The following CACNA1B variants were observed in gnomAD, a reference collection of about 807,000 sequenced individuals.
CACNA1B encodes voltage-dependent N-type calcium channel subunit alpha-1B.
In CACNA1B, 70 loss-of-function variants were observed where a neutral mutation model predicts 247.2. That is an observed-to-expected ratio of 0.28 (90% CI 0.23 to 0.35). The LOEUF (loss-of-function observed/expected upper bound fraction) is 0.35. CACNA1B is among the 10% of genes least tolerant of loss of function. The probability of loss-of-function intolerance (pLI) is 1.00; values close to 1 mark genes in which losing one functional copy is unlikely to be tolerated. For synonymous variants in CACNA1B, 1,231 were observed against 1,294.4 expected, an observed-to-expected ratio of 0.95 and a Z score of 1.05; for missense variants, 2,367 against 3,197.4, an observed-to-expected ratio of 0.74 and a Z score of 6.26.
Position 138,046,754 on chromosome 9 carries a change from A to G in CACNA1B, c.3414-150A>G, listed in dbSNP as rs560688769. The G allele has an allele frequency of 4.3e-6, 3 of 702,664 alleles. 1 individual carries two copies. The South Asian group carries it at 5.8e-5, about 14-fold the overall frequency. The allele number at this position is 702,664 out of a possible 1,614,324, so 43.5% of individuals were successfully genotyped here. The stretch of plus-strand genomic sequence containing the variant: ...CGTCACCTGGCTGCCACCACCAACC[A>G]CAGGGACCATTAGCAAAGCGAAGCT... On this transcript the variant is annotated intron_variant, in intron 21 of 46. Coordinates refer to ENST00000371372, the MANE Select transcript of CACNA1B (RefSeq NM_000718.4).
chr9:138,069,762 CGGTT>C lies in CACNA1B; in HGVS notation c.4674+4_4674+7del. The C allele has an allele frequency of 6.2e-7, 1 of 1,609,374 alleles. No individual in the cohort carries two copies. Among genetic ancestry groups the C allele is most frequent in the Non-Finnish European group, 8.5e-7 (1 of 1,175,814 alleles). On this transcript the variant is annotated splice_donor_variant and splice_donor_region_variant and coding_sequence_variant and intron_variant, in exon 32 of 47. Coordinates refer to ENST00000371372, the MANE Select transcript of CACNA1B (RefSeq NM_000718.4). LOFTEE classifies it high-confidence loss of function. ...CCATGAAAACATCACATGTAGGAAA[CGGTT>C]GGTTTCACGACTCTGAACGGTTCTT...
At chr9:138,105,598 G>T (rs2131353646) in intron 38 of CACNA1B, 101 bp from the exon 39 acceptor site, 1 of 689,956 alleles carries the variant, frequency 1.4e-6, no homozygotes. Flanking sequence ...CACCACCACT[G>T]GGATGCCCAG....
intron 40 of CACNA1B, 102 bp from the exon 41 acceptor site, chr9:138,114,276 G>A (rs1961776408): frequency 3.0e-6 from 2 of 656,782 alleles, no homozygotes; most frequent in Admixed American, 2.3e-5. Flanking sequence ...TCTTTGTGGG[G>A]GGCGAGGGAG....
At chr9:138,027,836 C>T (rs1958939769) in intron 20 of CACNA1B, among the ~76,000 whole-genome samples, 2 of 152,074 alleles carry the variant, frequency 1.3e-5, no homozygotes, top group South Asian at 2.1e-4. Flanking sequence ...TTCTCTTTAA[C>T]ATTTTTTGTA....
chr9:137,964,446 CCAG>C (rs1186887460), intron 10 of CACNA1B, among the ~76,000 whole-genome samples: 1 of 152,140 alleles, frequency 6.6e-6, no homozygotes, highest in Admixed American at 6.5e-5. Context: ...AAATTGTCTT[CCAG>C]CTCTGAGATT....
At chr9:138,044,001 T>G in intron 21 of CACNA1B, 101 bp downstream of exon 21, 4 of 1,444,342 alleles carry the variant, frequency 2.8e-6, no homozygotes, top group East Asian at 4.6e-5. Flanking sequence ...TGCGCACTTA[T>G]GTAGAGAAAC....
intron 10 of CACNA1B, among the ~76,000 whole-genome samples, chr9:137,970,782 G>T (rs1206180822): frequency 2.0e-5 from 3 of 152,214 alleles, no homozygotes; most frequent in African/African-American, 7.2e-5. Context: ...TGGGTTGGGT[G>T]GTGAGCAGGG....
chr9:137,895,282 C>T (rs897251782), intron 3 of CACNA1B, among the ~76,000 whole-genome samples: 6 of 152,280 alleles, frequency 3.9e-5, no homozygotes, highest in African/African-American at 1.4e-4. Context: ...ACTTACTCCT[C>T]CCAATTTATT....
chr9:137,896,492 T>C (rs563004486), intron 3 of CACNA1B, among the ~76,000 whole-genome samples: 1 of 152,330 alleles, frequency 6.6e-6, no homozygotes, highest in South Asian at 2.1e-4. Flanking sequence ...ATGGTTGTGG[T>C]ATATAATTCT....
intron 5 of CACNA1B, among the ~76,000 whole-genome samples, chr9:137,916,771 A>T (rs576741432): frequency 6.7e-6 from 1 of 148,586 alleles, no homozygotes; most frequent in African/African-American, 2.5e-5. Flanking sequence ...GAGGGAGAGG[A>T]ACGGTCCTCG....
chr9:137,921,525 A>C (rs2133289613), intron 6 of CACNA1B, among the ~76,000 whole-genome samples: 1 of 149,456 alleles, frequency 6.7e-6, no homozygotes, highest in Non-Finnish European at 1.5e-5. Context: ...TTCGGAGAAC[A>C]CCATCAGCAC....
chr9:137,939,732 G>T (rs1445731388), intron 6 of CACNA1B, among the ~76,000 whole-genome samples: 1 of 151,894 alleles, frequency 6.6e-6, no homozygotes, highest in Admixed American at 6.6e-5. Context: ...GAACCCGGGA[G>T]GCGGAGCTTG....
intron 40 of CACNA1B, among the ~76,000 whole-genome samples, chr9:138,113,265 C>T (rs1475511384): frequency 6.8e-6 from 1 of 147,412 alleles, no homozygotes; most frequent in Non-Finnish European, 1.5e-5. Flanking sequence ...TGCCCAACTC[C>T]ATCTTATGGG....
chr9:137,983,903 G>T (rs1958322712), intron 12 of CACNA1B, among the ~76,000 whole-genome samples: 1 of 117,220 alleles, frequency 8.5e-6, no homozygotes, highest in African/African-American at 3.2e-5. Flanking sequence ...CTGGGGTGGG[G>T]GGTGGGAGGG....
chr9:138,059,708 AT>A lies in CACNA1B; in HGVS notation c.4641del (p.Thr1548LeufsTer4). On this transcript the variant is annotated frameshift_variant, in exon 31 of 47. Coordinates refer to ENST00000371372, the MANE Select transcript of CACNA1B (RefSeq NM_000718.4). LOFTEE classifies it high-confidence loss of function. The surrounding 1 kb of genome is among the most constrained non-coding windows in gnomAD (Gnocchi z 4.2). Reference sequence around the variant, plus strand: ...TGACTTTGTCACTGTGTTGGGAAGTATTACTGATATTTTAGTAACAGAGATT... The same window carrying A: ...TGACTTTGTCACTGTGTTGGGAAGTATACTGATATTTTAGTAACAGAGATT... ...VFDFVTVLGS[I>X]TDILVTEIAE... 1 of 1,604,944 alleles carries A rather than the reference AT, an allele frequency of 6.2e-7. No individual in the cohort carries two copies. The highest frequency in any genetic ancestry group is 8.5e-7 in the Non-Finnish European group (1 of 1,171,638).
chr9:138,071,084 C>T (rs560187172), intron 32 of CACNA1B, among the ~76,000 whole-genome samples: 25 of 152,380 alleles, frequency 1.6e-4, no homozygotes, highest in Non-Finnish European at 2.9e-4. Context: ...TGTCATGGCA[C>T]GGTGTCCTGC....
chr9:137,917,232 T>G lies in CACNA1B; in HGVS notation c.776-9T>G. 6.2e-7 allele frequency: 1 copy of G among 1,609,108 alleles called. No individual in the cohort carries two copies. Among genetic ancestry groups the G allele is most frequent in the South Asian group, 1.1e-5 (1 of 90,290 alleles). On this transcript the variant is annotated splice_polypyrimidine_tract_variant and intron_variant, in intron 5 of 46. Transcript: ENST00000371372. This position sits in a 1 kb window ranked among gnomAD's most constrained non-coding sequence, Gnocchi z 5.5. ...GAGCTCAGGGTCTGCTTCATTCTCC[T>G]TCTTGCAGATGCGGAGCCCGTGGGT... is the stretch of plus-strand genomic sequence containing the variant.
At chr9:137,922,547 G>T (rs1957499483) in intron 6 of CACNA1B, among the ~76,000 whole-genome samples, 1 of 152,190 alleles carries the variant, frequency 6.6e-6, no homozygotes, top group African/African-American at 2.4e-5. Flanking sequence ...TCTCAGTGGT[G>T]GGACAACGCC....
At chr9:137,980,956 G>A (rs1195037936) in intron 12 of CACNA1B, among the ~76,000 whole-genome samples, 1 of 152,142 alleles carries the variant, frequency 6.6e-6, no homozygotes, top group East Asian at 1.9e-4. Context: ...ATAGTGCTGT[G>A]GTGAACAAAT....
Sources: gnomAD v4.1 joint callset for allele counts (sites outside exome capture counted in the v4.1 genomes callset) on GRCh38, gnomAD v4.1.1 for gene constraint, Gnocchi (gnomAD v3.1) non-coding constraint, MANE v1.5 for transcripts, NCBI Gene and HGNC (gene_info 2026-07-23, HGNC 2026-07-21) for gene names.